The following MCTP1 variants were observed in gnomAD, a reference collection of about 807,000 sequenced individuals.
The protein encoded by MCTP1 is multiple C2 and transmembrane domain-containing protein 1.
A neutral mutation model predicts 120.6 loss-of-function variants in MCTP1; 69 were observed. The ratio of observed to expected loss-of-function variants is 0.57; its 90% confidence interval spans 0.47 to 0.70. The LOEUF (loss-of-function observed/expected upper bound fraction) is 0.70. MCTP1 is among the 30% of genes least tolerant of loss of function. The probability of loss-of-function intolerance (pLI) is 0.00; values close to 1 mark genes in which losing one functional copy is unlikely to be tolerated. For missense variants in MCTP1, 1,203 were observed against 1,248.8 expected (o/e 0.96, Z 0.55); for synonymous variants, 529 against 493.1 (o/e 1.07, Z -0.96).
chr5:95,044,688 G>T (rs11135419), intron 1 of MCTP1, among the ~76,000 whole-genome samples: 23,981 of 151,730 alleles, frequency 0.16, 2,532 homozygotes, highest in East Asian at 0.37. Flanking sequence ...CAGCCATTCA[G>T]TTGCTCAGCA....
intron 1 of MCTP1, among the ~76,000 whole-genome samples, chr5:95,105,474 G>T (rs2152379570): frequency 6.6e-6 from 1 of 152,246 alleles, no homozygotes; most frequent in Middle Eastern, 3.4e-3. Context: ...CTATTCCCAA[G>T]AATCAGTTTA....
intron 2 of MCTP1, among the ~76,000 whole-genome samples, chr5:94,998,395 T>C (rs758697949): frequency 6.6e-6 from 1 of 152,176 alleles, no homozygotes. Flanking sequence ...TCCTGCATTG[T>C]TAACTACTAT....
rs534857428 is a variant in MCTP1, at chr5:95,240,611, T to A, written c.720+43245A>T. ...TACCTTATTTGTCTAGGATAGTGTT[T>A]GACAAATAGTGAATATTCAACAGAC... On this transcript the variant is annotated intron_variant, in intron 1 of 22. Transcript: ENST00000515393. Among the ~76,000 whole-genome samples the A allele has an allele frequency of 3.3e-5, 5 of 152,306 alleles. No homozygotes were observed. In the South Asian group the frequency reaches 1.0e-3, roughly 32 times the overall value.
intron 1 of MCTP1, among the ~76,000 whole-genome samples, chr5:95,034,931 A>C (rs1477966677): frequency 6.6e-6 from 1 of 152,162 alleles, no homozygotes. Flanking sequence ...GATACTTCTC[A>C]AAGGAAGATA....
chr5:94,764,235 C>T (rs1772016130), intron 19 of MCTP1, among the ~76,000 whole-genome samples: 1 of 152,152 alleles, frequency 6.6e-6, no homozygotes, highest in South Asian at 2.1e-4. Context: ...GGACATATAT[C>T]CATAATGCAG....
At chr5:94,798,921 C>A in intron 18 of MCTP1, 92 bp downstream of exon 18, 2 of 1,350,756 alleles carry the variant, frequency 1.5e-6, no homozygotes, top group Non-Finnish European at 1.0e-6. Context: ...AGACAGAATT[C>A]CTGGTTTGTA....
At chr5:95,158,005 A>T (rs1745317712) in intron 1 of MCTP1, among the ~76,000 whole-genome samples, 1 of 152,226 alleles carries the variant, frequency 6.6e-6, no homozygotes, top group Non-Finnish European at 1.5e-5. Context: ...TGTTTAGTGC[A>T]AGTCTACATC....
chr5:94,711,042 A>C lies in MCTP1; in HGVS notation c.2721-115T>G, dbSNP rs1436061836. Reference sequence around the variant, plus strand: ...TAGTCTGCATTTCTCTCTGGAATAGATTCCAATTGTAATAGGTTATCAGAG... The same window carrying C: ...TAGTCTGCATTTCTCTCTGGAATAGCTTCCAATTGTAATAGGTTATCAGAG... On this transcript the variant is annotated intron_variant, in intron 20 of 22. Coordinates refer to ENST00000515393, the MANE Select transcript of MCTP1 (RefSeq NM_024717.7). 3.2e-5 allele frequency: 24 copies of C among 742,186 alleles called. 1 individual carries two copies. The highest frequency in any genetic ancestry group is 1.9e-4 in the Admixed American group (8 of 42,490). The allele number at this position is 742,186 out of a possible 1,614,324, so 46.0% of individuals were successfully genotyped here.
chr5:95,270,969 T>C (rs1015708739), intron 1 of MCTP1, among the ~76,000 whole-genome samples: 6 of 150,074 alleles, frequency 4.0e-5, no homozygotes, highest in Non-Finnish European at 8.9e-5. Context: ...CAAAAGCTAA[T>C]TCAAAGACAG....
At chr5:95,114,401 C>G (rs1582278592) in intron 1 of MCTP1, among the ~76,000 whole-genome samples, 1 of 152,210 alleles carries the variant, frequency 6.6e-6, no homozygotes, top group Non-Finnish European at 1.5e-5. Context: ...TCGACCTGCC[C>G]TTGGGACAGA....
intron 1 of MCTP1, among the ~76,000 whole-genome samples, chr5:95,227,098 T>A (rs1304449641): frequency 6.6e-6 from 1 of 152,156 alleles, no homozygotes; most frequent in Non-Finnish European, 1.5e-5. Flanking sequence ...AGGCAGAATT[T>A]GATTTATTTA....
chr5:94,820,814 A>G (rs893718845), intron 17 of MCTP1, among the ~76,000 whole-genome samples: 1 of 152,198 alleles, frequency 6.6e-6, no homozygotes, highest in African/African-American at 2.4e-5. Context: ...GATCTTCTAA[A>G]TTGTATTTTT....
intron 2 of MCTP1, among the ~76,000 whole-genome samples, chr5:94,966,067 C>T (rs1659752189): frequency 6.6e-6 from 1 of 152,092 alleles, no homozygotes; most frequent in South Asian, 2.1e-4. Flanking sequence ...TTAAACAATC[C>T]TCAAACTGAC....
chr5:94,738,168 A>G (rs1466280990), intron 19 of MCTP1, among the ~76,000 whole-genome samples: 1 of 152,210 alleles, frequency 6.6e-6, no homozygotes, highest in African/African-American at 2.4e-5. Context: ...GATAACCCTC[A>G]TCTTCTAGTT....
At chr5:95,101,907 A>G (rs1756760621) in intron 1 of MCTP1, among the ~76,000 whole-genome samples, 1 of 152,204 alleles carries the variant, frequency 6.6e-6, no homozygotes. Context: ...TGTTCTTTGC[A>G]ACCTTACAAG....
intron 1 of MCTP1, among the ~76,000 whole-genome samples, chr5:95,081,118 C>T (rs937346908): frequency 6.6e-6 from 1 of 151,932 alleles, no homozygotes; most frequent in Non-Finnish European, 1.5e-5. Context: ...AACCTGGTAA[C>T]TACTAAATCC....
intron 3 of MCTP1, among the ~76,000 whole-genome samples, chr5:94,951,450 T>C (rs1820556859): frequency 6.6e-6 from 1 of 152,212 alleles, no homozygotes; most frequent in African/African-American, 2.4e-5. Flanking sequence ...TCCCACTAAG[T>C]AGAAGTAATT....
intron 1 of MCTP1, among the ~76,000 whole-genome samples, chr5:95,204,568 A>G (rs1751417318): frequency 6.6e-6 from 1 of 152,190 alleles, no homozygotes; most frequent in Non-Finnish European, 1.5e-5. Flanking sequence ...CCAGATTGGA[A>G]AGGAAGAAAT....
chr5:94,719,645 C>A lies in MCTP1; in HGVS notation c.2611-4759G>T, dbSNP rs542517622. Among the ~76,000 whole-genome samples the A allele has an allele frequency of 2.0e-5, 3 of 152,190 alleles. No homozygotes were observed. The South Asian group carries it at 6.2e-4, about 32-fold the overall frequency. ...GAACATATAGACAAAGGGAGGGGAA[C>A]AAACACTGGGATCTGCAGGTGGTGT... is the stretch of plus-strand genomic sequence containing the variant. On this transcript the variant is annotated intron_variant, in intron 19 of 22. Coordinates refer to ENST00000515393, the MANE Select transcript of MCTP1 (RefSeq NM_024717.7).
Sources: gnomAD v4.1 joint callset for allele counts (sites outside exome capture counted in the v4.1 genomes callset) on GRCh38, gnomAD v4.1.1 for gene constraint, MANE v1.5 for transcripts, NCBI Gene and HGNC (gene_info 2026-07-23, HGNC 2026-07-21) for gene names.